Variants in SLC9B1 observed in about 807,000 individuals in gnomAD.
SLC9B1 encodes sodium/hydrogen exchanger 9B1.
Under a neutral mutation model 51.7 loss-of-function variants are expected in SLC9B1, and 32 were observed. The ratio of observed to expected loss-of-function variants is 0.62; its 90% CI spans 0.47 to 0.83. The LOEUF is 0.83. SLC9B1 is among the 40% of genes least tolerant of loss of function. The probability of loss-of-function intolerance (pLI) is 0.00; values close to 1 mark genes in which losing one functional copy is unlikely to be tolerated. For missense variants in SLC9B1, 406 were observed against 613.2 expected, an observed-to-expected ratio of 0.66 and a Z score of 3.57; for synonymous variants, 145 against 212.7, an observed-to-expected ratio of 0.68 and a Z score of 2.77.
Position 102,937,412 on chromosome 4 carries a change from T to TAA in SLC9B1, c.654-5115_654-5114dup, listed in dbSNP as rs754801733. Among the ~76,000 whole-genome samples, 123 of 45,240 alleles carry TAA rather than the reference T, an allele frequency of 2.7e-3. 1 individual carries two copies. Among genetic ancestry groups the TAA allele is most frequent in the African/African-American group, 0.012 (105 of 8,642 alleles). 29.7% of individuals were successfully genotyped at this position (45,240 alleles called of 152,430 possible). A position where few individuals can be genotyped will look rare whatever the true frequency, so the allele number is the denominator to read the frequency against. ...CACCATGCCTGGCCTTCAGCATTCT[T>TAA]AAAAAAAAAAAAAAAAAAAAAAAAA... is the stretch of plus-strand genomic sequence containing the variant. On this transcript the variant is annotated intron_variant, in intron 6 of 11. Transcript: ENST00000296422.
chr4:102,975,581 TATA>T (rs1560963292), intron 3 of SLC9B1, among the ~76,000 whole-genome samples: 6 of 110,134 alleles, frequency 5.4e-5, no homozygotes, highest in African/African-American at 2.3e-4. Context: ...TATATATATA[TATA>T]TATTTTTTTT....
intron 7 of SLC9B1, among the ~76,000 whole-genome samples, chr4:102,927,871 A>G (rs1045656321): frequency 2.0e-5 from 3 of 152,212 alleles, no homozygotes; most frequent in African/African-American, 7.2e-5. Flanking sequence ...TGACACATAT[A>G]CACCATGGAA....
At chr4:102,910,064 C>T (rs1735265494) in intron 9 of SLC9B1, among the ~76,000 whole-genome samples, 1 of 152,132 alleles carries the variant, frequency 6.6e-6, no homozygotes, top group Non-Finnish European at 1.5e-5. Context: ...ATCTGTCCGC[C>T]TCCACCTCCC....
At chr4:103,017,616 C>A (rs992535167) in intron 1 of SLC9B1, among the ~76,000 whole-genome samples, 1 of 152,134 alleles carries the variant, frequency 6.6e-6, no homozygotes, top group Non-Finnish European at 1.5e-5. Context: ...GCGCTGATCC[C>A]AAATATTTCC....
intron 1 of SLC9B1, among the ~76,000 whole-genome samples, chr4:102,997,476 G>T (rs1345770169): frequency 6.6e-6 from 1 of 151,914 alleles, no homozygotes; most frequent in African/African-American, 2.4e-5. Flanking sequence ...TTTGTTTCTT[G>T]CTGGCATACA....
chr4:102,990,586 TAAC>T (rs1322340526), intron 2 of SLC9B1, among the ~76,000 whole-genome samples: 1 of 141,646 alleles, frequency 7.1e-6, no homozygotes, highest in Non-Finnish European at 1.5e-5. Flanking sequence ...TAAACAATGA[TAAC>T]AACAACAAAA....
At chr4:102,988,759 C>T (rs1303983132) in intron 3 of SLC9B1, among the ~76,000 whole-genome samples, 1 of 151,940 alleles carries the variant, frequency 6.6e-6, no homozygotes, top group African/African-American at 2.4e-5. Flanking sequence ...ACTGCAAAAT[C>T]AAAAATGAAA....
chr4:102,921,363 A>C (rs560808568), intron 7 of SLC9B1, among the ~76,000 whole-genome samples: 1 of 152,346 alleles, frequency 6.6e-6, no homozygotes, highest in East Asian at 1.9e-4. Context: ...GCAAATGCTG[A>C]GAGATTTTGT....
At chr4:102,950,255 G>A (rs1347925760) in intron 3 of SLC9B1, among the ~76,000 whole-genome samples, 4 of 152,016 alleles carry the variant, frequency 2.6e-5, no homozygotes, top group Non-Finnish European at 4.4e-5. Context: ...TATTAGAGGA[G>A]GTAATGGCTG....
At chr4:102,993,299 T>C (rs1257765638) in intron 1 of SLC9B1, among the ~76,000 whole-genome samples, 3 of 151,940 alleles carry the variant, frequency 2.0e-5, no homozygotes, top group Non-Finnish European at 2.9e-5. Context: ...CTGGGAGAAA[T>C]TGGCCAAAAC....
chr4:102,994,995 G>A (rs1578408361), intron 1 of SLC9B1, among the ~76,000 whole-genome samples: 1 of 152,156 alleles, frequency 6.6e-6, no homozygotes, highest in South Asian at 2.1e-4. Context: ...TAAGCTGTTA[G>A]ATTATGAGGT....
At chr4:102,983,334 G>C (rs1739454504) in intron 3 of SLC9B1, among the ~76,000 whole-genome samples, 1 of 152,108 alleles carries the variant, frequency 6.6e-6, no homozygotes, top group African/African-American at 2.4e-5. Context: ...GTGCATGAGA[G>C]ATATTGGTCT....
Position 102,926,864 on chromosome 4 carries a change from A to C in SLC9B1, c.829+5260T>G, listed in dbSNP as rs1294854948. The stretch of plus-strand genomic sequence containing the variant: ...ACTTCAAACTGTACTACAAGGCTGC[A>C]CTAACCAAAACAGCATGGTACTGGT... On this transcript the variant is annotated intron_variant, in intron 7 of 11. Coordinates refer to ENST00000296422, the MANE Select transcript of SLC9B1 (RefSeq NM_139173.4). Among the ~76,000 whole-genome samples the C allele has an allele frequency of 1.1e-4, 16 of 152,334 alleles. No homozygotes were observed. In the East Asian group the frequency reaches 3.1e-3, roughly 29 times the overall value.
chr4:102,972,398 A>C (rs1738812651), intron 3 of SLC9B1, among the ~76,000 whole-genome samples: 1 of 152,130 alleles, frequency 6.6e-6, no homozygotes, highest in African/African-American at 2.4e-5. Flanking sequence ...CAGGTGTGCC[A>C]CCATGCCCAG....
chr4:102,998,265 C>T (rs1407629995), intron 1 of SLC9B1, among the ~76,000 whole-genome samples: 1 of 152,126 alleles, frequency 6.6e-6, no homozygotes, highest in Non-Finnish European at 1.5e-5. Context: ...TCAAGTCATA[C>T]AATATTTGCC....
At chr4:102,976,549 T>C (rs543685940) in intron 3 of SLC9B1, among the ~76,000 whole-genome samples, 16 of 152,166 alleles carry the variant, frequency 1.1e-4, no homozygotes, top group African/African-American at 3.6e-4. Context: ...ATTAATTTAA[T>C]AAAAAAGACA....
At chr4:102,918,878 CA>C (rs1315252348) in intron 7 of SLC9B1, among the ~76,000 whole-genome samples, 8 of 152,140 alleles carry the variant, frequency 5.3e-5, no homozygotes, top group Non-Finnish European at 1.2e-4. Context: ...TAGACTTGAA[CA>C]GACATTTTTT....
chr4:103,005,475 A>G (rs1740734567), intron 1 of SLC9B1, among the ~76,000 whole-genome samples: 1 of 152,172 alleles, frequency 6.6e-6, no homozygotes, highest in South Asian at 2.1e-4. Flanking sequence ...TTAAAGACCT[A>G]TGAAGAAACT....
At chr4:103,009,025 C>G (rs1740954457) in intron 1 of SLC9B1, among the ~76,000 whole-genome samples, 1 of 151,942 alleles carries the variant, frequency 6.6e-6, no homozygotes, top group Non-Finnish European at 1.5e-5. Context: ...GTTTTGATCT[C>G]CTGACCTCGT....
Sources: allele counts gnomAD v4.1 joint callset (sites outside exome capture counted in the v4.1 genomes callset), GRCh38; gene constraint gnomAD v4.1.1; transcripts MANE v1.5; gene names NCBI Gene and HGNC (gene_info 2026-07-23, HGNC 2026-07-21).